The following CDNF variants were observed in gnomAD, a reference collection of about 807,000 sequenced individuals.
CDNF encodes the protein ARMET-like protein 1.
In CDNF, 9 loss-of-function variants were observed where a neutral mutation model predicts 14.8. That is an observed-to-expected ratio of 0.61 (90% CI 0.37 to 1.06). The LOEUF is 1.06. Ranked by LOEUF, CDNF falls within the 50% of genes least tolerant of loss-of-function variation. CDNF has a pLI of 0.01. For synonymous variants in CDNF, 86 were observed against 87.2 expected, an observed-to-expected ratio of 0.99 and a Z score of 0.07; for missense variants, 228 against 228.4, an observed-to-expected ratio of 1.00 and a Z score of 0.01.
In CDNF at chr10:14,828,128, G is replaced by T. The variant is rs1397469678; in HGVS notation, c.243+17C>A. 2.2e-5 allele frequency: 36 copies of T among 1,611,836 alleles called. No homozygotes were observed. In the Admixed American group the frequency reaches 5.7e-4, roughly 26 times the overall value. The stretch of plus-strand genomic sequence containing the variant: ...CTTCAAGCACATGGGGAAAATGAAA[G>T]GTGAAATTTACTATACCAGGCGGTT... On this transcript the variant is annotated intron_variant, in intron 2 of 3. Transcript: ENST00000465530.
chr10:14,820,174 G>A lies in CDNF; in HGVS notation c.386-16C>T. ...AGTGTTTTTTCTAAATGGCAAAAAG[G>A]AAAAAAGCCAATTACAAAATAAATG... On this transcript the variant is annotated splice_polypyrimidine_tract_variant and intron_variant, in intron 3 of 3. Coordinates refer to ENST00000465530, the MANE Select transcript of CDNF (RefSeq NM_001029954.3). 1.2e-6 allele frequency: 2 copies of A among 1,601,228 alleles called. No homozygotes were observed. Among genetic ancestry groups the A allele is most frequent in the Admixed American group, 3.6e-5 (2 of 55,840 alleles).
intron 1 of CDNF, 21 bp downstream of exon 1, chr10:14,837,811 A>G: frequency 6.8e-7 from 1 of 1,464,152 alleles, no homozygotes; most frequent in East Asian, 2.4e-5. Flanking sequence ...CCGCCATGCA[A>G]GCAGTTGTCA....
intron 3 of CDNF, among the ~76,000 whole-genome samples, chr10:14,824,587 T>G (rs948607623): frequency 1.6e-5 from 2 of 127,408 alleles, no homozygotes; most frequent in Non-Finnish European, 3.1e-5. Flanking sequence ...GCCTGGGTGA[T>G]AGAGCGAGAC....
chr10:14,825,451 C>T (rs1240966636), intron 3 of CDNF, 28 bp downstream of exon 3: 10 of 1,604,892 alleles, frequency 6.2e-6, no homozygotes, highest in Admixed American at 1.7e-5. Flanking sequence ...ATTGGACCTA[C>T]TGGGAAAAAC....
At chr10:14,826,909 T>G (rs1353887401) in intron 2 of CDNF, among the ~76,000 whole-genome samples, 1 of 151,926 alleles carries the variant, frequency 6.6e-6, no homozygotes, top group Non-Finnish European at 1.5e-5. Flanking sequence ...GACTTCAAAA[T>G]TTTACATTTA....
chr10:14,828,569 C>T (rs1833818654), intron 1 of CDNF, among the ~76,000 whole-genome samples: 1 of 152,122 alleles, frequency 6.6e-6, no homozygotes, highest in Non-Finnish European at 1.5e-5. Context: ...ATCACTTGAA[C>T]CCAGCAGGTG....
Position 14,832,878 on chromosome 10 carries a change from G to A in CDNF, c.116-4606C>T, listed in dbSNP as rs1374677378. 4.0e-4 allele frequency among the ~76,000 whole-genome samples: 8 copies of A among 19,962 alleles called. No individual in the cohort carries two copies. In the Admixed American group the frequency reaches 4.1e-3, roughly 10 times the overall value. The allele number at this position is 19,962 out of a possible 152,430, so 13.1% of individuals were successfully genotyped here. ...TTTTTTTTTTTTTTTTTTTTTTTTT[G>A]AGACAGAATCTCGCTGTGTTGCCCA... On this transcript the variant is annotated intron_variant, in intron 1 of 3. Coordinates refer to ENST00000465530, the MANE Select transcript of CDNF (RefSeq NM_001029954.3).
At chr10:14,826,092 A>C (rs574176718) in intron 2 of CDNF, among the ~76,000 whole-genome samples, 1,544 of 110,598 alleles carry the variant, frequency 0.014, 34 homozygotes, top group African/African-American at 0.027. Flanking sequence ...GAAGAAGAAG[A>C]AGAAGCAGCA....
chr10:14,829,291 G>T (rs931920085), intron 1 of CDNF, among the ~76,000 whole-genome samples: 2 of 152,228 alleles, frequency 1.3e-5, no homozygotes, highest in Non-Finnish European at 2.9e-5. Context: ...ATCTGCATAA[G>T]TCTTTATTTC....
chr10:14,819,958 A>G lies in CDNF; in HGVS notation c.*22T>C. On this transcript the variant is annotated 3_prime_UTR_variant, in exon 4 of 4. Coordinates refer to ENST00000465530, the MANE Select transcript of CDNF (RefSeq NM_001029954.3). ...TCACTTTTCTCTCTAATTACAAGTC[A>G]CAAATGTGCTGGCATTGGAGATCAG... 6.2e-7 allele frequency: 1 copy of G among 1,605,904 alleles called. No individual in the cohort carries two copies. Among genetic ancestry groups the G allele is most frequent in the South Asian group, 1.1e-5 (1 of 89,942 alleles).
At chr10:14,828,947 C>T (rs1289132399) in intron 1 of CDNF, among the ~76,000 whole-genome samples, 1 of 152,136 alleles carries the variant, frequency 6.6e-6, no homozygotes, top group South Asian at 2.1e-4. Flanking sequence ...GTCACTTAAG[C>T]CCGGCAGATG....
chr10:14,826,119 C>A (rs139922502), intron 2 of CDNF, among the ~76,000 whole-genome samples: 16,257 of 115,666 alleles, frequency 0.14, 2,143 homozygotes, highest in African/African-American at 0.34. Flanking sequence ...GCAGCAGCAG[C>A]AGCAGAAGCA....
chr10:14,831,605 G>A (rs1006982812), intron 1 of CDNF, among the ~76,000 whole-genome samples: 3 of 148,816 alleles, frequency 2.0e-5, no homozygotes, highest in Non-Finnish European at 4.4e-5. Flanking sequence ...ATGGAGTCTC[G>A]CTCTGTTGCC....
intron 2 of CDNF, 141 bp downstream of exon 2, chr10:14,828,004 T>C (rs1833813059): frequency 1.3e-6 from 1 of 755,582 alleles, no homozygotes. Flanking sequence ...CACTGGAAGA[T>C]GGATTTCTGC....
chr10:14,829,234 G>A (rs1284217903), intron 1 of CDNF, among the ~76,000 whole-genome samples: 1 of 152,184 alleles, frequency 6.6e-6, no homozygotes, highest in East Asian at 1.9e-4. Context: ...ATAATTGTAA[G>A]CACAGAGAAA....
At chr10:14,826,482 A>AAAGAAGAAGAAGAAG (rs111933790) in intron 2 of CDNF, among the ~76,000 whole-genome samples, 47 of 140,892 alleles carry the variant, frequency 3.3e-4, no homozygotes, top group Non-Finnish European at 5.8e-4. Flanking sequence ...AGAAGAAGAA[A>AAAGAAGAAGAAGAAG]AAGAAGAAGA....
chr10:14,819,912 A>G lies in CDNF; in HGVS notation c.*68T>C. ...ATGCATTCCCAGTTATCCTTAATCA[A>G]CATGTCCATATCCTAGAGAGTCACT... On this transcript the variant is annotated 3_prime_UTR_variant, in exon 4 of 4. Transcript: ENST00000465530. 1 of 1,432,206 alleles carries G rather than the reference A, an allele frequency of 7.0e-7. No homozygotes were observed. The highest frequency in any genetic ancestry group is 9.5e-7 in the Non-Finnish European group (1 of 1,047,966). The allele number at this position is 1,432,206 out of a possible 1,614,324, so 88.7% of individuals were successfully genotyped here.
intron 1 of CDNF, among the ~76,000 whole-genome samples, chr10:14,831,650 T>C (rs937188256): frequency 6.6e-6 from 1 of 151,180 alleles, no homozygotes; most frequent in Non-Finnish European, 1.5e-5. Context: ...CTCGGCTCAA[T>C]GCAACCTCCA....
At chr10:14,832,539 A>G (rs1833852013) in intron 1 of CDNF, among the ~76,000 whole-genome samples, 1 of 152,210 alleles carries the variant, frequency 6.6e-6, no homozygotes, top group Admixed American at 6.5e-5. Flanking sequence ...AAGGAAGCAG[A>G]AAAGAAAGCA....
Sources: allele counts gnomAD v4.1 joint callset (sites outside exome capture counted in the v4.1 genomes callset), GRCh38; gene constraint gnomAD v4.1.1; transcripts MANE v1.5; gene names NCBI Gene and HGNC (gene_info 2026-07-23, HGNC 2026-07-21).